RALGAPA2: variants seen among roughly 807,000 people sequenced by gnomAD.
RALGAPA2 encodes ral GTPase-activating protein subunit alpha-2.
Under a neutral mutation model 230.4 loss-of-function variants are expected in RALGAPA2, and 139 were observed. The observed-to-expected ratio is 0.60, with a 90% CI of 0.53 to 0.69. The LOEUF (loss-of-function observed/expected upper bound fraction) is 0.69, where lower values mean the gene tolerates loss of function less well. Ranked by LOEUF, RALGAPA2 falls within the 30% of genes least tolerant of loss-of-function variation. The pLI is 0.00. For missense variants in RALGAPA2, 2,163 were observed against 2,276.0 expected, an observed-to-expected ratio of 0.95 and a Z score of 1.01; for synonymous variants, 847 against 837.8, an observed-to-expected ratio of 1.01 and a Z score of -0.19.
intron 26 of RALGAPA2, among the ~76,000 whole-genome samples, chr20:20,534,497 T>C (rs887857480): frequency 6.6e-6 from 1 of 151,856 alleles, no homozygotes; most frequent in African/African-American, 2.4e-5. Context: ...CCAGTATATT[T>C]TAAAATTTAG....
At chr20:20,577,210 T>C (rs769318454) in intron 20 of RALGAPA2, among the ~76,000 whole-genome samples, 1 of 151,970 alleles carries the variant, frequency 6.6e-6, no homozygotes, top group Non-Finnish European at 1.5e-5. Flanking sequence ...AATCTCTGGA[T>C]CTGAGGAACT....
intron 37 of RALGAPA2, among the ~76,000 whole-genome samples, chr20:20,455,268 C>T (rs139002318): frequency 4.0e-4 from 61 of 152,320 alleles, no homozygotes; most frequent in African/African-American, 1.3e-3. Flanking sequence ...TCTCGCTGTG[C>T]GAAAGGAAGG....
At chr20:20,521,818 G>GA (rs1453177140) in intron 30 of RALGAPA2, among the ~76,000 whole-genome samples, 6 of 152,154 alleles carry the variant, frequency 3.9e-5, no homozygotes, top group African/African-American at 1.4e-4. Context: ...TAATACTTGA[G>GA]AAAATAAGAA....
At chr20:20,644,693 C>T (rs1394306708) in intron 4 of RALGAPA2, among the ~76,000 whole-genome samples, 6 of 152,206 alleles carry the variant, frequency 3.9e-5, no homozygotes, top group Non-Finnish European at 8.8e-5. Flanking sequence ...CCCAACTTCT[C>T]CCTTCACAAA....
intron 35 of RALGAPA2, among the ~76,000 whole-genome samples, chr20:20,501,980 G>A (rs968684277): frequency 6.6e-6 from 1 of 152,142 alleles, no homozygotes; most frequent in Non-Finnish European, 1.5e-5. Flanking sequence ...AGGGCAGTTT[G>A]TGGTGCCCCA....
chr20:20,601,714 T>G lies in RALGAPA2; in HGVS notation c.2171A>C (p.Lys724Thr). 6.2e-7 allele frequency: 1 copy of G among 1,613,508 alleles called. No homozygotes were observed. Among genetic ancestry groups the G allele is most frequent in the Non-Finnish European group, 8.5e-7 (1 of 1,179,626 alleles). Residue 724 changes from lysine (K) to threonine (T), a missense_variant, in exon 16 of 40, where the codon AAG (lysine) becomes ACG (threonine). Lys to Thr is a moderately conservative substitution (Grantham distance 78, BLOSUM62 -1). Coordinates refer to ENST00000202677, the MANE Select transcript of RALGAPA2 (RefSeq NM_020343.4). The stretch of plus-strand genomic sequence containing the variant: ...TTTTTGGCGAACAATATTTCTTGCC[T>G]TTTCCACTCCCGGTGCTCCAGACGT... ...ATTSGAPGVE[K>T]ARNIVRQKAT...
At chr20:20,692,716 G>A (rs1455837673) in intron 1 of RALGAPA2, among the ~76,000 whole-genome samples, 1 of 152,088 alleles carries the variant, frequency 6.6e-6, no homozygotes, top group Non-Finnish European at 1.5e-5. Flanking sequence ...CCTGCCTTTG[G>A]ATATCATTCT....
rs368188937 is a variant in RALGAPA2, at chr20:20,507,987, C to T, written c.4929-2453G>A. Among the ~76,000 whole-genome samples, 4 of 152,312 alleles carry T rather than the reference C, an allele frequency of 2.6e-5. No homozygotes were observed. The East Asian group carries it at 5.8e-4, about 22-fold the overall frequency. ...ATAGACTTTACATACATAAAAACAG[C>T]CTCAGGTTTATCTACAATGTTTCAG... On this transcript the variant is annotated intron_variant, in intron 33 of 39. Coordinates refer to ENST00000202677, the MANE Select transcript of RALGAPA2 (RefSeq NM_020343.4).
intron 36 of RALGAPA2, among the ~76,000 whole-genome samples, chr20:20,473,582 A>G (rs1206729651): frequency 1.3e-5 from 2 of 152,138 alleles, no homozygotes; most frequent in African/African-American, 4.8e-5. Flanking sequence ...TTCTGGGCTC[A>G]AGCATCCTCC....
At chr20:20,424,680 A>T (rs1051741622) in intron 37 of RALGAPA2, among the ~76,000 whole-genome samples, 4 of 152,234 alleles carry the variant, frequency 2.6e-5, no homozygotes, top group African/African-American at 9.6e-5. Flanking sequence ...ATAATTAGAA[A>T]TGCAGAACTG....
intron 20 of RALGAPA2, among the ~76,000 whole-genome samples, chr20:20,574,248 C>CAAATG (rs1399400793): frequency 6.6e-6 from 1 of 152,152 alleles, no homozygotes; most frequent in Non-Finnish European, 1.5e-5. Context: ...AGACAATGTG[C>CAAATG]AAATGGGCTG....
At position 20,472,840 on chromosome 20, in the gene RALGAPA2, G is replaced by C. The variant is rs1432095746; in HGVS notation, c.5484C>G (p.Leu1828=). 1 of 1,612,802 alleles carries C rather than the reference G, an allele frequency of 6.2e-7. No individual in the cohort carries two copies. The highest frequency in any genetic ancestry group is 2.2e-5 in the East Asian group (1 of 44,848). The change falls in exon 37 of 40, where the codon CTC becomes CTG. Residue 1828 remains leucine (L), a synonymous_variant. Coordinates refer to ENST00000202677, the MANE Select transcript of RALGAPA2 (RefSeq NM_020343.4). ...ASRAVKCLIP[L]YQSFYEERAL... ...AAGCAAAAAGATACAAGCTCTGGTA[G>C]AGTGGGATGAGGCACTTCACAGCCC... is the stretch of plus-strand genomic sequence containing the variant.
chr20:20,694,103 CAAAA>C (rs1394363587), intron 1 of RALGAPA2, among the ~76,000 whole-genome samples: 5 of 141,294 alleles, frequency 3.5e-5, no homozygotes, highest in Non-Finnish European at 6.1e-5. Context: ...GACGTTGTCT[CAAAA>C]AAAATGAAAA....
chr20:20,460,845 G>C (rs546116447), intron 37 of RALGAPA2, among the ~76,000 whole-genome samples: 28 of 152,244 alleles, frequency 1.8e-4, no homozygotes, highest in African/African-American at 6.3e-4. Context: ...ATTGAATCTT[G>C]ATGACCTAAA....
chr20:20,662,984 G>A (rs1309062578), intron 3 of RALGAPA2, among the ~76,000 whole-genome samples: 1 of 152,200 alleles, frequency 6.6e-6, no homozygotes, highest in African/African-American at 2.4e-5. Context: ...GAGGGCAGAA[G>A]ACAGGTGATA....
At chr20:20,394,355 T>A (rs1262116108) in intron 39 of RALGAPA2, among the ~76,000 whole-genome samples, 1 of 152,084 alleles carries the variant, frequency 6.6e-6, no homozygotes, top group Non-Finnish European at 1.5e-5. Flanking sequence ...AGGTCGGGCA[T>A]ACAGAGAAGG....
rs2059801444 is a variant in RALGAPA2 at position 20,400,128 on chromosome 20, G to A, written c.5618-3394C>T. Among the ~76,000 whole-genome samples, 4 of 152,326 alleles carry A rather than the reference G, an allele frequency of 2.6e-5. No homozygotes were observed. The South Asian group carries it at 8.3e-4, about 32-fold the overall frequency. On this transcript the variant is annotated intron_variant, in intron 38 of 39. Transcript: ENST00000202677. The stretch of plus-strand genomic sequence containing the variant: ...ACCCCTTGGAATGGCTCTGAGGAAG[G>A]GAACAGGTGCAGGCAGTGGATGGGG...
chr20:20,503,883 G>A (rs952453368), intron 34 of RALGAPA2, among the ~76,000 whole-genome samples: 3 of 152,140 alleles, frequency 2.0e-5, no homozygotes, highest in African/African-American at 7.2e-5. Context: ...ACACTCAAAG[G>A]AGTGTTTTTC....
At chr20:20,609,738 C>T (rs577369219) in intron 14 of RALGAPA2, among the ~76,000 whole-genome samples, 96 of 152,300 alleles carry the variant, frequency 6.3e-4, no homozygotes, top group African/African-American at 2.2e-3. Flanking sequence ...CGAAAGGGTG[C>T]CAACAGTGAG....
Sources: gnomAD v4.1 joint callset for allele counts (sites outside exome capture counted in the v4.1 genomes callset) on GRCh38, gnomAD v4.1.1 for gene constraint, MANE v1.5 for transcripts, NCBI Gene and HGNC (gene_info 2026-07-23, HGNC 2026-07-21) for gene names.